RALYL: variants seen among roughly 807,000 people sequenced by gnomAD.
The protein encoded by RALYL is RALY RNA binding protein like, also known as RNA-binding Raly-like protein.
In RALYL, 29 loss-of-function variants were observed where a neutral mutation model predicts 35.1. The ratio of observed to expected loss-of-function variants is 0.83; its 90% CI spans 0.61 to 1.13. RALYL has a LOEUF of 1.13. Among genes scored for constraint, RALYL ranks in the 50% most tolerant of loss-of-function variants. RALYL has a pLI of 0.00. For missense variants in RALYL, 359 were observed against 360.4 expected, an observed-to-expected ratio of 1.00 and a Z score of 0.03; for synonymous variants, 120 against 127.6, an observed-to-expected ratio of 0.94 and a Z score of 0.40.
At chr8:84,726,087 C>T (rs1026209864) in intron 2 of RALYL, among the ~76,000 whole-genome samples, 1 of 150,782 alleles carries the variant, frequency 6.6e-6, no homozygotes, top group Non-Finnish European at 1.5e-5. Flanking sequence ...AGCCTCAAAG[C>T]AACTTGAATA....
intron 3 of RALYL, among the ~76,000 whole-genome samples, chr8:84,796,874 T>C (rs989731942): frequency 1.3e-5 from 2 of 152,240 alleles, no homozygotes; most frequent in Non-Finnish European, 2.9e-5. Flanking sequence ...GCCAGATAGA[T>C]GAAATATATG....
chr8:84,481,456 A>G (rs2054030886), intron 1 of RALYL, among the ~76,000 whole-genome samples: 2 of 150,344 alleles, frequency 1.3e-5, no homozygotes, highest in Non-Finnish European at 3.0e-5. Context: ...CAGCTTCCCA[A>G]GTAACTAGGA....
At chr8:84,790,365 C>T (rs1433262177) in intron 3 of RALYL, among the ~76,000 whole-genome samples, 4 of 152,164 alleles carry the variant, frequency 2.6e-5, no homozygotes, top group Non-Finnish European at 5.9e-5. Flanking sequence ...ACAATGGAGA[C>T]TTGCAAAAGA....
At chr8:84,681,528 G>C (rs1835494048) in intron 2 of RALYL, among the ~76,000 whole-genome samples, 1 of 152,238 alleles carries the variant, frequency 6.6e-6, no homozygotes, top group East Asian at 1.9e-4. Context: ...TTGAGCAGTG[G>C]TTTGTAGTTC....
At chr8:84,496,803 T>C (rs561517097) in intron 1 of RALYL, among the ~76,000 whole-genome samples, 81 of 152,302 alleles carry the variant, frequency 5.3e-4, no homozygotes, top group Admixed American at 5.0e-3. Context: ...CTAAATAATG[T>C]AATTGCAGTT....
At chr8:84,466,715 A>G (rs926520168) in intron 1 of RALYL, among the ~76,000 whole-genome samples, 2 of 152,000 alleles carry the variant, frequency 1.3e-5, no homozygotes, top group African/African-American at 4.8e-5. Context: ...TTCAGAAGGA[A>G]TGGTACCAGT....
intron 1 of RALYL, among the ~76,000 whole-genome samples, chr8:84,311,090 A>AAAAAAAAAAAAAAAAAAATATAT (rs1554614840): frequency 3.0e-5 from 3 of 99,720 alleles, no homozygotes; most frequent in African/African-American, 1.1e-4. Flanking sequence ...AAAAAAAAAA[A>AAAAAAAAAAAAAAAAAAATATAT]ATGTATATTA....
intron 2 of RALYL, among the ~76,000 whole-genome samples, chr8:84,565,492 G>T (rs932773832): frequency 4.0e-5 from 6 of 151,340 alleles, no homozygotes; most frequent in Non-Finnish European, 7.4e-5. Flanking sequence ...ATATGAAAAA[G>T]GTTTTATAAA....
intron 2 of RALYL, among the ~76,000 whole-genome samples, chr8:84,683,283 AGGTGT>A (rs1433793068): frequency 6.6e-6 from 1 of 152,144 alleles, no homozygotes; most frequent in Non-Finnish European, 1.5e-5. Context: ...ATTTTGGAAT[AGGTGT>A]GGTGTGGTGC....
intron 1 of RALYL, among the ~76,000 whole-genome samples, chr8:84,237,215 A>G (rs2131516930): frequency 6.6e-6 from 1 of 152,332 alleles, no homozygotes; most frequent in Non-Finnish European, 1.5e-5. Context: ...AGAGAAGTGA[A>G]CCAGGGAGTG....
At chr8:84,430,876 G>A (rs2047068191) in intron 1 of RALYL, among the ~76,000 whole-genome samples, 3 of 152,062 alleles carry the variant, frequency 2.0e-5, no homozygotes, top group Non-Finnish European at 4.4e-5. Flanking sequence ...TGCTTATTTA[G>A]ATGGAACAGT....
At chr8:84,799,985 G>A (rs1275773398) in intron 3 of RALYL, among the ~76,000 whole-genome samples, 1 of 152,060 alleles carries the variant, frequency 6.6e-6, no homozygotes, top group African/African-American at 2.4e-5. Context: ...AATAAAATAA[G>A]GGAGGAAGAC....
At chr8:84,312,939 C>T (rs1178590404) in intron 1 of RALYL, among the ~76,000 whole-genome samples, 1 of 152,246 alleles carries the variant, frequency 6.6e-6, no homozygotes, top group East Asian at 1.9e-4. Flanking sequence ...CTTTATTGCT[C>T]AAGTAGAGTT....
At chr8:84,229,253 G>C (rs1024663322) in intron 1 of RALYL, among the ~76,000 whole-genome samples, 1 of 152,138 alleles carries the variant, frequency 6.6e-6, no homozygotes, top group African/African-American at 2.4e-5. Flanking sequence ...GGGAAAATAG[G>C]AAGTCTTCTG....
chr8:84,668,422 G>A (rs1012163784), intron 2 of RALYL, among the ~76,000 whole-genome samples: 2 of 152,088 alleles, frequency 1.3e-5, no homozygotes, highest in South Asian at 2.1e-4. Flanking sequence ...GGGAGTTGGG[G>A]CATTATTTAA....
chr8:84,729,416 C>T (rs998123198), intron 2 of RALYL, among the ~76,000 whole-genome samples: 1 of 151,670 alleles, frequency 6.6e-6, no homozygotes, highest in Non-Finnish European at 1.5e-5. Context: ...CACTTAATGC[C>T]CACAGGAGAA....
intron 1 of RALYL, among the ~76,000 whole-genome samples, chr8:84,235,640 T>G (rs1477795646): frequency 7.9e-5 from 12 of 152,196 alleles, no homozygotes; most frequent in Admixed American, 7.9e-4. Context: ...TGCTAAAACC[T>G]CAACACAGCA....
intron 2 of RALYL, among the ~76,000 whole-genome samples, chr8:84,580,375 C>T (rs767026185): frequency 6.6e-6 from 1 of 152,152 alleles, no homozygotes; most frequent in Non-Finnish European, 1.5e-5. Context: ...AGGGTGCTGA[C>T]ATATGCTCAG....
chr8:84,370,614 C>T (rs1326650174), intron 1 of RALYL, among the ~76,000 whole-genome samples: 1 of 151,876 alleles, frequency 6.6e-6, no homozygotes, highest in African/African-American at 2.4e-5. Context: ...ACGAGAGCAG[C>T]AGAAAAAGGC....
Sources: allele counts gnomAD v4.1 joint callset (sites outside exome capture counted in the v4.1 genomes callset), GRCh38; gene constraint gnomAD v4.1.1; transcripts MANE v1.5; gene names NCBI Gene and HGNC (gene_info 2026-07-23, HGNC 2026-07-21).